CNTNAP2: variants seen among roughly 807,000 people sequenced by gnomAD.
CNTNAP2 encodes contactin-associated protein-like 2.
In CNTNAP2, 98 loss-of-function variants were observed where a neutral mutation model predicts 155.2. That is an observed-to-expected ratio of 0.63 (90% CI 0.54 to 0.75). The LOEUF (loss-of-function observed/expected upper bound fraction) is 0.75, where lower values mean the gene tolerates loss of function less well. Ranked by LOEUF, CNTNAP2 falls within the 30% of genes least tolerant of loss-of-function variation. CNTNAP2 has a pLI of 0.00. For synonymous variants in CNTNAP2, 651 were observed against 631.2 expected (o/e 1.03, Z -0.47); for missense variants, 1,727 against 1,688.1 (o/e 1.02, Z -0.40).
chr7:148,010,145 T>C (rs1391722330), intron 15 of CNTNAP2, among the ~76,000 whole-genome samples: 2 of 151,960 alleles, frequency 1.3e-5, no homozygotes. Context: ...CTAATTTAAT[T>C]TGGGTTTTCT....
chr7:148,180,837 C>T (rs1795025432), intron 18 of CNTNAP2, among the ~76,000 whole-genome samples: 1 of 152,168 alleles, frequency 6.6e-6, no homozygotes, highest in South Asian at 2.1e-4. Flanking sequence ...ATCTGTAAAG[C>T]ATTACTTTGA....
Position 146,947,541 on chromosome 7 carries a change from G to A in CNTNAP2, c.403-96366G>A, listed in dbSNP as rs1434610999. Among the ~76,000 whole-genome samples, 6 of 76,674 alleles carry A rather than the reference G, an allele frequency of 7.8e-5. No individual in the cohort carries two copies. In the East Asian group the frequency reaches 1.5e-3, roughly 20 times the overall value. The allele number at this position is 76,674 out of a possible 152,430, so 50.3% of individuals were successfully genotyped here. A position where few individuals can be genotyped will look rare whatever the true frequency, so the allele number is the denominator to read the frequency against. ...AGTGTGTATGTATGTGTGTGTGTGT[G>A]TATGTGTGTGTGTGTGTATATATAT... On this transcript the variant is annotated intron_variant, in intron 3 of 23. Transcript: ENST00000361727.
chr7:147,509,658 A>C (rs1248180329), intron 11 of CNTNAP2, among the ~76,000 whole-genome samples: 1 of 152,084 alleles, frequency 6.6e-6, no homozygotes, highest in Non-Finnish European at 1.5e-5. Context: ...GCTGGCTTAC[A>C]TATAGTTGTA....
chr7:148,002,864 A>G (rs561476945), intron 15 of CNTNAP2, among the ~76,000 whole-genome samples: 1 of 152,290 alleles, frequency 6.6e-6, no homozygotes, highest in South Asian at 2.1e-4. Flanking sequence ...TACACTTGTT[A>G]TTTAATTTTA....
At chr7:147,559,034 C>A (rs1250905444) in intron 11 of CNTNAP2, among the ~76,000 whole-genome samples, 2 of 152,184 alleles carry the variant, frequency 1.3e-5, no homozygotes, top group South Asian at 2.1e-4. Flanking sequence ...CCATGCCCGG[C>A]CTAATATTTT....
At chr7:146,222,967 G>A (rs1462105345) in intron 1 of CNTNAP2, among the ~76,000 whole-genome samples, 1 of 152,052 alleles carries the variant, frequency 6.6e-6, no homozygotes, top group African/African-American at 2.4e-5. Context: ...CCAGGAAAAG[G>A]TAAATTTTTT....
At chr7:147,737,902 C>A (rs1584929791) in intron 13 of CNTNAP2, among the ~76,000 whole-genome samples, 1 of 152,176 alleles carries the variant, frequency 6.6e-6, no homozygotes, top group East Asian at 1.9e-4. Flanking sequence ...ACCCGATTTT[C>A]CAGGTGCCAT....
intron 3 of CNTNAP2, among the ~76,000 whole-genome samples, chr7:146,977,321 T>C (rs994817534): frequency 6.6e-6 from 1 of 152,008 alleles, no homozygotes; most frequent in African/African-American, 2.4e-5. Context: ...GACATAAAGA[T>C]ACCATATGTG....
At chr7:146,719,510 A>G (rs949314442) in intron 1 of CNTNAP2, among the ~76,000 whole-genome samples, 4 of 152,290 alleles carry the variant, frequency 2.6e-5, no homozygotes, top group African/African-American at 4.8e-5. Flanking sequence ...AGATTTTAAT[A>G]TATAACAGAC....
intron 1 of CNTNAP2, among the ~76,000 whole-genome samples, chr7:146,245,977 T>TGC (rs1299828822): frequency 7.3e-4 from 105 of 143,766 alleles, no homozygotes; most frequent in African/African-American, 2.3e-3. Flanking sequence ...TGATAAGGCA[T>TGC]AGATCCTGAA....
At chr7:147,997,324 C>A (rs1190830199) in intron 15 of CNTNAP2, among the ~76,000 whole-genome samples, 1 of 151,934 alleles carries the variant, frequency 6.6e-6, no homozygotes, top group Non-Finnish European at 1.5e-5. Context: ...GAGGCCGAGG[C>A]GGGTGGATGA....
intron 1 of CNTNAP2, among the ~76,000 whole-genome samples, chr7:146,322,008 G>A (rs1801011877): frequency 6.6e-6 from 1 of 152,024 alleles, no homozygotes; most frequent in Admixed American, 6.6e-5. Flanking sequence ...TAATTTTATT[G>A]TTTTAGTACA....
At chr7:147,975,245 AC>A (rs1267264603) in intron 14 of CNTNAP2, among the ~76,000 whole-genome samples, 1 of 152,136 alleles carries the variant, frequency 6.6e-6, no homozygotes, top group Non-Finnish European at 1.5e-5. Flanking sequence ...AAGGTCAAGA[AC>A]AGGCAAAGCT....
chr7:146,950,940 T>A (rs181474798), intron 3 of CNTNAP2, among the ~76,000 whole-genome samples: 101 of 152,302 alleles, frequency 6.6e-4, no homozygotes, highest in African/African-American at 2.3e-3. Flanking sequence ...TTTCTCCACA[T>A]CCTCTCCAGC....
chr7:146,695,522 C>T (rs1587047), intron 1 of CNTNAP2, among the ~76,000 whole-genome samples: 1 of 152,112 alleles, frequency 6.6e-6, no homozygotes, highest in Non-Finnish European at 1.5e-5. Context: ...TCAGGTGATT[C>T]TCCCACCTCA....
At chr7:146,480,719 T>C (rs1430836819) in intron 1 of CNTNAP2, among the ~76,000 whole-genome samples, 6 of 147,194 alleles carry the variant, frequency 4.1e-5, no homozygotes, top group African/African-American at 1.5e-4. Flanking sequence ...GACAGAGTCT[T>C]GCTCTGTCAC....
rs184446153 is a variant in CNTNAP2, at chr7:146,442,116, T to A, written c.97+325143T>A. On this transcript the variant is annotated intron_variant, in intron 1 of 23. Transcript: ENST00000361727. ...GTGTGTGGCAAAACTTTTGAAGTCT[T>A]CTATTCCAAAGAGTATATATATTTC... 2.6e-5 allele frequency among the ~76,000 whole-genome samples: 4 copies of A among 151,736 alleles called. 1 individual carries two copies. Among genetic ancestry groups the A allele is most frequent in the African/African-American group, 9.8e-5 (4 of 41,024 alleles).
chr7:147,250,920 T>G (rs1237380881), intron 8 of CNTNAP2, among the ~76,000 whole-genome samples: 1 of 152,184 alleles, frequency 6.6e-6, no homozygotes, highest in Non-Finnish European at 1.5e-5. Context: ...TGTTTTCTCT[T>G]GAGCTTCTCT....
chr7:146,711,753 TTATGTATACATATATAGTATACACATC>T (rs1801079150), intron 1 of CNTNAP2, among the ~76,000 whole-genome samples: 1 of 144,604 alleles, frequency 6.9e-6, no homozygotes, highest in Non-Finnish European at 1.5e-5. Flanking sequence ...TATACACATC[TTATGTATACATATATAGTATACACATC>T]TTATGTATAC....
Sources: allele counts gnomAD v4.1 joint callset (sites outside exome capture counted in the v4.1 genomes callset), GRCh38; gene constraint gnomAD v4.1.1; transcripts MANE v1.5; gene names NCBI Gene and HGNC (gene_info 2026-07-23, HGNC 2026-07-21).